The following PAPPA2 variants were observed in gnomAD, a reference collection of about 807,000 sequenced individuals.
PAPPA2 encodes the protein pappalysin 2.
Under a neutral mutation model 176.4 loss-of-function variants are expected in PAPPA2, and 86 were observed. The observed-to-expected ratio is 0.49, with a 90% CI of 0.41 to 0.58. The LOEUF is 0.58. PAPPA2 is among the 20% of genes least tolerant of loss of function. The pLI is 0.00. For missense variants in PAPPA2, 2,073 were observed against 2,256.9 expected (o/e 0.92, Z 1.65); for synonymous variants, 809 against 852.2 (o/e 0.95, Z 0.88).
chr1:176,709,563 A>G (rs999395667), intron 10 of PAPPA2, among the ~76,000 whole-genome samples: 1 of 152,170 alleles, frequency 6.6e-6, no homozygotes, highest in Non-Finnish European at 1.5e-5. Flanking sequence ...ACTATGAAAA[A>G]GATTCAAATA....
In PAPPA2 at chr1:176,747,683, A is replaced by G. The variant is rs936315764; in HGVS notation, c.4151+7487A>G. 3.9e-5 allele frequency among the ~76,000 whole-genome samples: 6 copies of G among 152,312 alleles called. No individual in the cohort carries two copies. In the East Asian group the frequency reaches 1.2e-3, roughly 29 times the overall value. ...ATAATAATATTACTATAAATATAGC[A>G]TCTTACAACAATGCTTATTTATAAT... On this transcript the variant is annotated intron_variant, in intron 14 of 22. Transcript: ENST00000367662.
At chr1:176,543,430 T>A (rs1650466572) in intron 1 of PAPPA2, among the ~76,000 whole-genome samples, 1 of 152,100 alleles carries the variant, frequency 6.6e-6, no homozygotes, top group South Asian at 2.1e-4. Flanking sequence ...TTCTCAATAT[T>A]GAGCCCCACA....
intron 14 of PAPPA2, among the ~76,000 whole-genome samples, chr1:176,740,655 G>A (rs1662637723): frequency 6.6e-6 from 1 of 152,186 alleles, no homozygotes; most frequent in African/African-American, 2.4e-5. Flanking sequence ...AATAGGAAAT[G>A]CATTAGCTAC....
At chr1:176,727,642 A>G (rs746555126) in intron 12 of PAPPA2, among the ~76,000 whole-genome samples, 5 of 152,166 alleles carry the variant, frequency 3.3e-5, no homozygotes, top group Admixed American at 6.5e-5. Flanking sequence ...ATCTGTTAGT[A>G]ATTCATTTAA....
chr1:176,463,380 TC>T lies in PAPPA2; in HGVS notation c.-954del, dbSNP rs1223634638. On this transcript the variant is annotated 5_prime_UTR_variant, in exon 1 of 23. It introduces an in-frame stop codon into an upstream open reading frame of the 5' UTR. Coordinates refer to ENST00000367662, the MANE Select transcript of PAPPA2 (RefSeq NM_020318.3). ...AAGCCCACGAGTATCAATGGCAGTA[TC>T]AATTGTCTGTGACAGTGATTAAGGA... The T allele has an allele frequency of 6.6e-6, 1 of 152,244 alleles. No individual in the cohort carries two copies. The highest frequency in any genetic ancestry group is 2.4e-5 in the African/African-American group (1 of 41,462). 9.4% of individuals were successfully genotyped at this position (152,244 alleles called of 1,614,324 possible). A position where few individuals can be genotyped will look rare whatever the true frequency, so the allele number is the denominator to read the frequency against.
At chr1:176,579,033 G>A (rs1652811511) in intron 2 of PAPPA2, among the ~76,000 whole-genome samples, 1 of 152,034 alleles carries the variant, frequency 6.6e-6, no homozygotes, top group East Asian at 1.9e-4. Flanking sequence ...AGGGTGGTGG[G>A]GGCACTGTTG....
chr1:176,713,186 C>T (rs961579615), intron 12 of PAPPA2, among the ~76,000 whole-genome samples: 1 of 151,264 alleles, frequency 6.6e-6, no homozygotes, highest in South Asian at 2.1e-4. Flanking sequence ...GGCAGGGTCT[C>T]GCTCTGTTTT....
At chr1:176,481,436 A>G (rs1652398944) in intron 1 of PAPPA2, among the ~76,000 whole-genome samples, 1 of 151,992 alleles carries the variant, frequency 6.6e-6, no homozygotes, top group Admixed American at 6.6e-5. Context: ...CTAAATTTAT[A>G]TCCAACCAGG....
chr1:176,498,176 C>G (rs1274219069), intron 1 of PAPPA2, among the ~76,000 whole-genome samples: 2 of 151,912 alleles, frequency 1.3e-5, no homozygotes, highest in Non-Finnish European at 2.9e-5. Context: ...TTTCAGAGTC[C>G]GATAAACCTT....
At chr1:176,719,554 A>C (rs1258926674) in intron 12 of PAPPA2, among the ~76,000 whole-genome samples, 2 of 152,198 alleles carry the variant, frequency 1.3e-5, no homozygotes, top group Non-Finnish European at 2.9e-5. Flanking sequence ...CTTTAACGTA[A>C]GTTTTTTTCT....
At chr1:176,690,644 TCTC>T (rs1660075903) in intron 5 of PAPPA2, 2 of 1,367,044 alleles carry the variant, frequency 1.5e-6, no homozygotes, top group Non-Finnish European at 1.9e-6. Context: ...TTCACTGAAT[TCTC>T]CTCTACTAGA....
intron 3 of PAPPA2, among the ~76,000 whole-genome samples, chr1:176,666,563 G>T (rs74127221): frequency 9.0e-5 from 1 of 11,150 alleles, no homozygotes; most frequent in Non-Finnish European, 1.8e-4. Context: ...AAATATATAT[G>T]TGTGTGTGTG....
Position 176,556,506 on chromosome 1 carries a change from T to G in PAPPA2, c.184T>G (p.Ser62Ala). 1 of 1,614,100 alleles carries G rather than the reference T, an allele frequency of 6.2e-7. No homozygotes were observed. Among genetic ancestry groups the G allele is most frequent in the Non-Finnish European group, 8.5e-7 (1 of 1,180,008 alleles). Residue 62 changes from serine to alanine, a missense_variant, in exon 2 of 23, where the codon TCT becomes GCT. By Grantham distance (99) the Ser-to-Ala change is moderately conservative. Coordinates refer to ENST00000367662, the MANE Select transcript of PAPPA2 (RefSeq NM_020318.3). ...LGAKVRRPRA[S>A]PQHHLFGVYP... ...GGCCAAGGTTCGAAGACCCAGAGCT[T>G]CTCCACAGCATCACCTCTTTGGAGT...
chr1:176,492,048 G>T (rs1310953876), intron 1 of PAPPA2, among the ~76,000 whole-genome samples: 1 of 152,204 alleles, frequency 6.6e-6, no homozygotes, highest in Admixed American at 6.5e-5. Context: ...GGAATCCTGT[G>T]TCAAAATGCC....
intron 8 of PAPPA2, 44 bp downstream of exon 8, chr1:176,699,633 G>T: frequency 1.9e-6 from 3 of 1,538,464 alleles, no homozygotes; most frequent in South Asian, 1.3e-5. Flanking sequence ...AGGCTCTGGG[G>T]GTGGGTTTTG....
At chr1:176,658,765 A>T (rs909637976) in intron 3 of PAPPA2, among the ~76,000 whole-genome samples, 5 of 152,058 alleles carry the variant, frequency 3.3e-5, no homozygotes, top group African/African-American at 1.2e-4. Context: ...GGCAAAGGAA[A>T]CTAAAAGAAA....
intron 2 of PAPPA2, among the ~76,000 whole-genome samples, chr1:176,568,068 A>G (rs559286769): frequency 1.3e-5 from 2 of 152,326 alleles, no homozygotes; most frequent in African/African-American, 2.4e-5. Context: ...ATTGCACTCT[A>G]TGCAGAAACT....
chr1:176,504,077 G>A (rs945165327), intron 1 of PAPPA2, among the ~76,000 whole-genome samples: 2 of 151,968 alleles, frequency 1.3e-5, no homozygotes, highest in Non-Finnish European at 2.9e-5. Context: ...CTTGGTTATG[G>A]TCATTCTGTG....
At chr1:176,491,289 T>C (rs1020962560) in intron 1 of PAPPA2, among the ~76,000 whole-genome samples, 1 of 152,222 alleles carries the variant, frequency 6.6e-6, no homozygotes, top group African/African-American at 2.4e-5. Context: ...TCATGCACTA[T>C]CTGTGTGGAT....
Sources: allele counts gnomAD v4.1 joint callset (sites outside exome capture counted in the v4.1 genomes callset), GRCh38; gene constraint gnomAD v4.1.1; transcripts MANE v1.5; gene names NCBI Gene and HGNC (gene_info 2026-07-23, HGNC 2026-07-21).